The following COL20A1 variants were observed in gnomAD, a reference collection of about 807,000 sequenced individuals.
COL20A1 encodes collagen type XX alpha 1 chain, also known as collagen alpha-1(XX) chain.
COL20A1 carries 164 observed loss-of-function variants against 152.9 expected under a neutral mutation model. The ratio of observed to expected loss-of-function variants is 1.07; its 90% confidence interval spans 0.94 to 1.22. The LOEUF is 1.22. COL20A1 is among the 50% of genes most tolerant of loss of function. The pLI, the probability that COL20A1 is intolerant of heterozygous loss-of-function variation, is 0.00. For synonymous variants in COL20A1, 864 were observed against 756.0 expected (o/e 1.14, Z -2.34); for missense variants, 1,873 against 1,744.8 (o/e 1.07, Z -1.31).
intron 19 of COL20A1, 95 bp from the exon 20 acceptor site, chr20:63,315,309 G>A: frequency 1.6e-6 from 2 of 1,214,786 alleles, no homozygotes; most frequent in Non-Finnish European, 2.3e-6. Flanking sequence ...GCACAGGCTG[G>A]GGCATCGTCC....
intron 2 of COL20A1, among the ~76,000 whole-genome samples, chr20:63,296,875 C>T (rs1006120140): frequency 7.2e-5 from 11 of 152,060 alleles, no homozygotes; most frequent in African/African-American, 2.2e-4. Flanking sequence ...CCCAGCTTTC[C>T]GGGGGGCAGC....
chr20:63,326,926 A>T (rs2068258895), intron 31 of COL20A1, 103 bp downstream of exon 31: 2 of 757,198 alleles, frequency 2.6e-6, no homozygotes, highest in Non-Finnish European at 4.0e-6. Context: ...CAGCTCAGGG[A>T]CTTCCTACTG....
intron 3 of COL20A1, among the ~76,000 whole-genome samples, chr20:63,299,146 T>C (rs1176762136): frequency 6.6e-6 from 1 of 152,234 alleles, no homozygotes; most frequent in East Asian, 1.9e-4. Context: ...TCTTCTGCTA[T>C]TGATGGACAT....
rs930553011 is a variant in COL20A1, at chr20:63,311,338, G to A, written c.1394-56G>A. 88 of 1,494,210 alleles carry A rather than the reference G, an allele frequency of 5.9e-5. No individual in the cohort carries two copies. The highest frequency in any genetic ancestry group is 9.8e-5 in the East Asian group (4 of 40,752). 92.6% of individuals were successfully genotyped at this position (1,494,210 alleles called of 1,614,324 possible). ...ACTCTGGTGTGAGGGTGCCCCGTGC[G>A]TGGGTGTGATCTCTGTGTGGGCTCC... On this transcript the variant is annotated intron_variant, in intron 11 of 35. Transcript: ENST00000358894. The surrounding 1 kb of genome is among the most constrained non-coding windows in gnomAD (Gnocchi z 4.4).
At chr20:63,327,114 G>A (rs941174410) in intron 31 of COL20A1, 9 of 358,954 alleles carry the variant, frequency 2.5e-5, no homozygotes, top group African/African-American at 1.5e-4. Context: ...TGACTGCCAG[G>A]GACTTCCTGT....
chr20:63,301,584 G>A (rs6062881), intron 3 of COL20A1, among the ~76,000 whole-genome samples: 1 of 152,152 alleles, frequency 6.6e-6, no homozygotes, highest in African/African-American at 2.4e-5. Flanking sequence ...TTATGCATGA[G>A]GCTCTGTTAT....
chr20:63,314,209 G>A lies in COL20A1; in HGVS notation c.2488+8G>A. 1.3e-6 allele frequency: 2 copies of A among 1,554,084 alleles called. No individual in the cohort carries two copies. Among genetic ancestry groups the A allele is most frequent in the South Asian group, 1.2e-5 (1 of 84,334 alleles). ...CTGCCACGGGCCAGACAGGTGAGTG[G>A]GCACCAAGACCCCAGACCCAGGTAG... On this transcript the variant is annotated splice_region_variant and intron_variant, in intron 19 of 35. Transcript: ENST00000358894.
At position 63,320,315 on chromosome 20, in the gene COL20A1, G is replaced by A. The variant is rs1277224540; in HGVS notation, c.3100G>A (p.Val1034Met). Residue 1034 changes from valine to methionine, a missense_variant, in exon 25 of 36, where the codon GTG becomes ATG. Coordinates refer to ENST00000358894, the MANE Select transcript of COL20A1 (RefSeq NM_020882.4). ...GTTTCAGCTCCAGATGCTGCAGATC[G>A]TGTGCAGTGACACCTGGGCCGATGA... ...AAFQLQMLQI[V>M]CSDTWADEDR... 1.4e-5 allele frequency: 23 copies of A among 1,610,748 alleles called. No individual in the cohort carries two copies. Among genetic ancestry groups the A allele is most frequent in the Middle Eastern group, 1.7e-4 (1 of 6,054 alleles).
intron 2 of COL20A1, among the ~76,000 whole-genome samples, chr20:63,297,485 G>T (rs141753432): frequency 0.015 from 2,235 of 152,308 alleles, 17 homozygotes; most frequent in Non-Finnish European, 0.021. Context: ...AGGGGACTCA[G>T]CTCAGGGCCC....
At chr20:63,294,937 C>A in intron 1 of COL20A1, 161 bp from the exon 2 acceptor site, 3 of 578,980 alleles carry the variant, frequency 5.2e-6, no homozygotes, top group Non-Finnish European at 6.1e-6. Flanking sequence ...ATCCCCTAGA[C>A]AACAGGTTGC....
At chr20:63,318,518 AC>A (rs2123418646) in intron 21 of COL20A1, among the ~76,000 whole-genome samples, 1 of 152,174 alleles carries the variant, frequency 6.6e-6, no homozygotes, top group Non-Finnish European at 1.5e-5. Flanking sequence ...ACTGGCCAGG[AC>A]CCACTGGGCG....
intron 21 of COL20A1, 66 bp downstream of exon 21, chr20:63,316,757 A>G (rs2068090282): frequency 2.8e-6 from 2 of 714,086 alleles, no homozygotes; most frequent in Non-Finnish European, 4.1e-6. Context: ...TTAGGAGGAC[A>G]TGGTGGGGGG....
chr20:63,319,049 C>G lies in COL20A1; in HGVS notation c.2664-9C>G, dbSNP rs1480444501. Reference sequence around the variant, plus strand: ...GCTCATGTGCCTCTCCCTCCCCCAACCCCCACAGTGACGTCTACCCAGCCC... The same window carrying G: ...GCTCATGTGCCTCTCCCTCCCCCAAGCCCCACAGTGACGTCTACCCAGCCC... On this transcript the variant is annotated splice_polypyrimidine_tract_variant and intron_variant, in intron 21 of 35. Coordinates refer to ENST00000358894, the MANE Select transcript of COL20A1 (RefSeq NM_020882.4). This position sits in a 1 kb window ranked among gnomAD's most constrained non-coding sequence, Gnocchi z 4.4. 6.4e-7 allele frequency: 1 copy of G among 1,573,364 alleles called. No homozygotes were observed. The highest frequency in any genetic ancestry group is 1.8e-5 in the Admixed American group (1 of 54,702).
chr20:63,314,150 G>C lies in COL20A1; in HGVS notation c.2437G>C (p.Ala813Pro), dbSNP rs1321876950. Reference protein sequence around the residue: ...AATKYRVLVSAIYAAGRSEAV... With the variant: ...AATKYRVLVSPIYAAGRSEAV... Reference sequence around the variant, plus strand: ...CACGAAGTACAGGGTCCTGGTCTCAGCTATCTATGCAGCAGGCAGGAGTGA... The same window carrying C: ...CACGAAGTACAGGGTCCTGGTCTCACCTATCTATGCAGCAGGCAGGAGTGA... The change falls in exon 19 of 36, where the codon GCT (alanine) becomes CCT (proline). Residue 813 changes from alanine to proline, a missense_variant. Physicochemically the swap from Ala to Pro is conservative, Grantham distance 27 (BLOSUM62 -1). Coordinates refer to ENST00000358894, the MANE Select transcript of COL20A1 (RefSeq NM_020882.4). The C allele has an allele frequency of 6.3e-7, 1 of 1,598,210 alleles. No homozygotes were observed. The highest frequency in any genetic ancestry group is 8.5e-7 in the Non-Finnish European group (1 of 1,172,876).
At position 63,319,704 on chromosome 20, in the gene COL20A1, T is replaced by G. The variant is rs2068133683; in HGVS notation, c.2916+108T>G. ...CTCCTCTCCCTAGGAGAGCAGGACC[T>G]TCCTTGGGAGGGAACATTGACCTGG... On this transcript the variant is annotated intron_variant, in intron 23 of 35. Coordinates refer to ENST00000358894, the MANE Select transcript of COL20A1 (RefSeq NM_020882.4). The surrounding 1 kb of genome is among the most constrained non-coding windows in gnomAD (Gnocchi z 4.4). 1 of 712,186 alleles carries G rather than the reference T, an allele frequency of 1.4e-6. No homozygotes were observed. The highest frequency in any genetic ancestry group is 2.4e-6 in the Non-Finnish European group (1 of 423,710). The allele number at this position is 712,186 out of a possible 1,614,324, so 44.1% of individuals were successfully genotyped here.
In COL20A1 at chr20:63,305,698, TA is replaced by T; in HGVS notation, c.337+139del. On this transcript the variant is annotated intron_variant, in intron 4 of 35. Transcript: ENST00000358894. The surrounding 1 kb of genome is among the most constrained non-coding windows in gnomAD (Gnocchi z 4.9). Reference sequence around the variant, plus strand: ...TGTGTGAAGCAGTTCTGGGCTGTGCTAGGGGCAGGTTCAAGTCCCGACTCAC... The same window carrying T: ...TGTGTGAAGCAGTTCTGGGCTGTGCTGGGGCAGGTTCAAGTCCCGACTCAC... 8.6e-7 allele frequency: 1 copy of T among 1,168,658 alleles called. No homozygotes were observed. Among genetic ancestry groups the T allele is most frequent in the South Asian group, 1.5e-5 (1 of 65,086 alleles). 72.4% of individuals were successfully genotyped at this position (1,168,658 alleles called of 1,614,324 possible).
intron 19 of COL20A1, 150 bp downstream of exon 19, chr20:63,314,351 C>T: frequency 1.5e-6 from 1 of 679,366 alleles, no homozygotes; most frequent in South Asian, 1.9e-5. Flanking sequence ...GGCAGGGGTC[C>T]TGGGTGGCTG....
chr20:63,310,246 G>A, intron 10 of COL20A1, 135 bp from the exon 11 acceptor site: 1 of 914,996 alleles, frequency 1.1e-6, no homozygotes. Context: ...TAGGTACAGG[G>A]AGCCCAGGCC....
intron 1 of COL20A1, chr20:63,294,892 G>C: frequency 3.7e-6 from 2 of 539,196 alleles, no homozygotes; most frequent in Non-Finnish European, 6.6e-6. Flanking sequence ...CCCAGCTCTA[G>C]CCTTGGGTCC....
Sources: allele counts gnomAD v4.1 joint callset (sites outside exome capture counted in the v4.1 genomes callset), GRCh38; gene constraint gnomAD v4.1.1; non-coding constraint Gnocchi (gnomAD v3.1); transcripts MANE v1.5; gene names NCBI Gene and HGNC (gene_info 2026-07-23, HGNC 2026-07-21).